The following ANTXR1 variants were observed in gnomAD, a reference collection of about 807,000 sequenced individuals.
The protein encoded by ANTXR1 is ANTXR cell adhesion molecule 1.
Under a neutral mutation model 78.1 loss-of-function variants are expected in ANTXR1, and 19 were observed. The ratio of observed to expected loss-of-function variants is 0.24; its 90% confidence interval spans 0.17 to 0.36. ANTXR1 has a LOEUF of 0.36. ANTXR1 is among the 10% of genes least tolerant of loss of function. ANTXR1 has a pLI of 1.00. For missense variants in ANTXR1, 518 were observed against 718.6 expected (o/e 0.72, Z 3.19); for synonymous variants, 273 against 260.5 (o/e 1.05, Z -0.46).
At chr2:69,129,691 C>T (rs995450789) in intron 12 of ANTXR1, among the ~76,000 whole-genome samples, 9 of 151,200 alleles carry the variant, frequency 6.0e-5, no homozygotes, top group Non-Finnish European at 1.0e-4. Context: ...GCAGAGGTTA[C>T]AGTGAGCCGA....
intron 6 of ANTXR1, among the ~76,000 whole-genome samples, chr2:69,074,604 C>T (rs1227275629): frequency 1.3e-5 from 2 of 152,050 alleles, no homozygotes; most frequent in Non-Finnish European, 2.9e-5. Context: ...AGAGTTGTTG[C>T]AAATAAAGTT....
At chr2:69,200,428 C>CAGGTTATCCTCCAGGAGAG (rs1265585412) in intron 17 of ANTXR1, among the ~76,000 whole-genome samples, 3 of 152,216 alleles carry the variant, frequency 2.0e-5, no homozygotes, top group Non-Finnish European at 2.9e-5. Context: ...ATAGCCTGGG[C>CAGGTTATCCTCCAGGAGAG]AGGTTATCCT....
chr2:69,130,148 T>C (rs546250232), intron 12 of ANTXR1, among the ~76,000 whole-genome samples: 2 of 152,324 alleles, frequency 1.3e-5, no homozygotes, highest in African/African-American at 4.8e-5. Context: ...ACACCCAAGA[T>C]GTGGCAGTGC....
intron 1 of ANTXR1, among the ~76,000 whole-genome samples, chr2:69,014,081 GTTTTTGTT>G (rs1287522539): frequency 6.6e-6 from 1 of 152,158 alleles, no homozygotes; most frequent in East Asian, 1.9e-4. Flanking sequence ...TTTTGTTTTT[GTTTTTGTT>G]TTTTTGTTTT....
At chr2:69,096,104 A>G (rs1026585185) in intron 9 of ANTXR1, among the ~76,000 whole-genome samples, 29 of 151,886 alleles carry the variant, frequency 1.9e-4, no homozygotes, top group African/African-American at 6.8e-4. Flanking sequence ...TAAAAATACA[A>G]AAAATGAGCC....
At chr2:69,200,476 G>A (rs1674749940) in intron 17 of ANTXR1, among the ~76,000 whole-genome samples, 1 of 152,196 alleles carries the variant, frequency 6.6e-6, no homozygotes, top group Non-Finnish European at 1.5e-5. Flanking sequence ...TCCTTCTAAA[G>A]CAGATAAGCC....
chr2:69,096,478 G>A (rs1048193566), intron 9 of ANTXR1, among the ~76,000 whole-genome samples: 1 of 132,286 alleles, frequency 7.6e-6, no homozygotes, highest in African/African-American at 2.7e-5. Context: ...GAAAGAGAGA[G>A]AGAAAGAGGG....
chr2:69,232,163 AC>A (rs903422715), intron 17 of ANTXR1, among the ~76,000 whole-genome samples: 4 of 152,144 alleles, frequency 2.6e-5, no homozygotes, highest in African/African-American at 9.7e-5. Context: ...ACTCACAACC[AC>A]CCTTGGACTT....
chr2:69,134,789 A>G (rs1417847263), intron 12 of ANTXR1, among the ~76,000 whole-genome samples: 1 of 152,180 alleles, frequency 6.6e-6, no homozygotes, highest in African/African-American at 2.4e-5. Flanking sequence ...CATATTTCAG[A>G]CCAGAGTACT....
intron 8 of ANTXR1, among the ~76,000 whole-genome samples, chr2:69,080,295 T>A (rs1670862404): frequency 6.6e-6 from 1 of 151,694 alleles, no homozygotes; most frequent in South Asian, 2.1e-4. Flanking sequence ...TCATTTCCCC[T>A]TTTGGATACT....
At chr2:69,098,088 G>A (rs556507556) in intron 9 of ANTXR1, among the ~76,000 whole-genome samples, 2 of 152,312 alleles carry the variant, frequency 1.3e-5, no homozygotes, top group South Asian at 2.1e-4. Flanking sequence ...GGGAGTGGAG[G>A]TAGGGAGGGC....
chr2:69,126,023 G>A (rs1672523783), intron 12 of ANTXR1, among the ~76,000 whole-genome samples: 1 of 152,138 alleles, frequency 6.6e-6, no homozygotes, highest in Non-Finnish European at 1.5e-5. Flanking sequence ...TTGGCCTTTG[G>A]AAGCTGTGTT....
At chr2:69,067,456 T>C (rs1428962306) in intron 3 of ANTXR1, among the ~76,000 whole-genome samples, 1 of 151,418 alleles carries the variant, frequency 6.6e-6, no homozygotes, top group African/African-American at 2.4e-5. Flanking sequence ...TTTTTTTTTT[T>C]TTTTTTTTGC....
chr2:69,016,224 G>A (rs1046274818), intron 1 of ANTXR1, among the ~76,000 whole-genome samples: 1 of 152,196 alleles, frequency 6.6e-6, no homozygotes, highest in Non-Finnish European at 1.5e-5. Context: ...TAGTGCGATT[G>A]AGGAAGTGAA....
chr2:69,097,284 T>TG (rs1671460371), intron 9 of ANTXR1, among the ~76,000 whole-genome samples: 1 of 152,222 alleles, frequency 6.6e-6, no homozygotes, highest in African/African-American at 2.4e-5. Context: ...GCTCTACACT[T>TG]GAAGTTCTTG....
At chr2:69,236,363 T>C (rs1364856372) in intron 17 of ANTXR1, among the ~76,000 whole-genome samples, 3 of 152,184 alleles carry the variant, frequency 2.0e-5, no homozygotes, top group African/African-American at 4.8e-5. Context: ...CACACATATA[T>C]CTTTACATAT....
chr2:69,161,557 A>C (rs768158803), intron 13 of ANTXR1, among the ~76,000 whole-genome samples: 1 of 152,190 alleles, frequency 6.6e-6, no homozygotes, highest in Non-Finnish European at 1.5e-5. Flanking sequence ...TGAGGTCTCT[A>C]TTCAATTGAT....
At chr2:69,051,818 G>T (rs1302756498) in intron 3 of ANTXR1, among the ~76,000 whole-genome samples, 1 of 151,798 alleles carries the variant, frequency 6.6e-6, no homozygotes, top group African/African-American at 2.4e-5. Flanking sequence ...TTTCATTATG[G>T]AGTGTGCATC....
rs1373912588 is a variant in ANTXR1 at position 69,135,497 on chromosome 2, A to G, written c.951+10854A>G. Among the ~76,000 whole-genome samples the G allele has an allele frequency of 2.0e-5, 3 of 152,182 alleles. No individual in the cohort carries two copies. The East Asian group carries it at 5.8e-4, about 29-fold the overall frequency. ...AGCTATGTGTGATTTACAATAAAAC[A>G]TATATTCAATAAAACATAAGGACAC... On this transcript the variant is annotated intron_variant, in intron 12 of 17. Coordinates refer to ENST00000303714, the MANE Select transcript of ANTXR1 (RefSeq NM_032208.3).
Sources: gnomAD v4.1 joint callset for allele counts (sites outside exome capture counted in the v4.1 genomes callset) on GRCh38, gnomAD v4.1.1 for gene constraint, MANE v1.5 for transcripts, NCBI Gene and HGNC (gene_info 2026-07-23, HGNC 2026-07-21) for gene names.